CCNY: variants seen among roughly 807,000 people sequenced by gnomAD.
CCNY encodes the protein cyclin-Y.
A neutral mutation model predicts 42.8 loss-of-function variants in CCNY; 19 were observed. The observed-to-expected ratio is 0.44, with a 90% CI of 0.31 to 0.65. CCNY has a LOEUF of 0.65. Ranked by LOEUF, CCNY falls within the 30% of genes least tolerant of loss-of-function variation. The probability of loss-of-function intolerance (pLI) is 0.07; values close to 1 mark genes in which losing one functional copy is unlikely to be tolerated. For missense variants in CCNY, 370 were observed against 437.3 expected (o/e 0.85, Z 1.37); for synonymous variants, 165 against 162.7 (o/e 1.01, Z -0.11).
chr10:35,566,502 C>T (rs1036574370), intron 9 of CCNY, among the ~76,000 whole-genome samples: 3 of 152,120 alleles, frequency 2.0e-5, no homozygotes, highest in Non-Finnish European at 4.4e-5. Flanking sequence ...CCACCACACC[C>T]GGTTGATTTT....
chr10:35,470,499 G>A (rs1233008519), intron 1 of CCNY, among the ~76,000 whole-genome samples: 1 of 152,242 alleles, frequency 6.6e-6, no homozygotes, highest in African/African-American at 2.4e-5. Context: ...ACACACACTT[G>A]CAAAGACATA....
intron 3 of CCNY, among the ~76,000 whole-genome samples, chr10:35,259,495 G>GTTTTTTTTTTTTTTTT (rs35988898): frequency 1.5e-5 from 1 of 65,146 alleles, no homozygotes; most frequent in African/African-American, 6.9e-5. Context: ...AGTCCTGGTT[G>GTTTTTTTTTTTTTTTT]TTTTTTTTTT....
chr10:35,532,103 C>T (rs957558516), intron 7 of CCNY, among the ~76,000 whole-genome samples: 2 of 152,216 alleles, frequency 1.3e-5, no homozygotes, highest in South Asian at 2.1e-4. Context: ...TGGAGGCCTT[C>T]GTGGTAGGTG....
At position 35,467,431 on chromosome 10, in the gene CCNY, C is replaced by T. The variant is rs75215607; in HGVS notation, c.155-15973C>T. Among the ~76,000 whole-genome samples, 19 of 151,822 alleles carry T rather than the reference C, an allele frequency of 1.3e-4. No homozygotes were observed. In the East Asian group the frequency reaches 3.1e-3, roughly 25 times the overall value. Reference sequence around the variant, plus strand: ...GCAGCCACTTGACATGTGACAACTCCACACATTGCTGAATACCCCCTAGGG... The same window carrying T: ...GCAGCCACTTGACATGTGACAACTCTACACATTGCTGAATACCCCCTAGGG... On this transcript the variant is annotated intron_variant, in intron 1 of 9. Coordinates refer to ENST00000374704, the MANE Select transcript of CCNY (RefSeq NM_145012.6).
intron 1 of CCNY, among the ~76,000 whole-genome samples, chr10:35,465,470 A>G (rs910763429): frequency 1.3e-5 from 2 of 152,116 alleles, no homozygotes; most frequent in African/African-American, 4.8e-5. Flanking sequence ...ATCCTTCTAA[A>G]CATAAACACC....
chr10:35,560,803 A>T lies in CCNY; in HGVS notation c.747-5220A>T, dbSNP rs114364733. Among the ~76,000 whole-genome samples the T allele has an allele frequency of 7.6e-3, 1,158 of 152,322 alleles. 13 individuals are homozygous for T. Among genetic ancestry groups the T allele is most frequent in the African/African-American group, 0.027 (1,107 of 41,560 alleles). ...TAGAATTTTTAGAAATGAATACTTCATTCAGTCTTTCCCAGTAAAACCGTG... is the reference window on the plus strand; with the variant it reads ...TAGAATTTTTAGAAATGAATACTTCTTTCAGTCTTTCCCAGTAAAACCGTG... On this transcript the variant is annotated intron_variant, in intron 8 of 9. Coordinates refer to ENST00000374704, the MANE Select transcript of CCNY (RefSeq NM_145012.6).
chr10:35,403,714 C>T (rs1463373118), intron 1 of CCNY, among the ~76,000 whole-genome samples: 1 of 152,102 alleles, frequency 6.6e-6, no homozygotes, highest in Non-Finnish European at 1.5e-5. Flanking sequence ...AATATTGACA[C>T]GTGGTCTCTT....
intron 7 of CCNY, among the ~76,000 whole-genome samples, chr10:35,536,644 G>A (rs939925632): frequency 1.3e-5 from 2 of 152,134 alleles, no homozygotes; most frequent in East Asian, 3.9e-4. Context: ...TGGAGCAAAG[G>A]TGACTCTTGT....
chr10:35,302,448 C>T, intron 3 of CCNY, among the ~76,000 whole-genome samples: 1 of 151,514 alleles, frequency 6.6e-6, no homozygotes, highest in African/African-American at 2.4e-5. Flanking sequence ...GGAGCTGGCA[C>T]TGCAGGCATG....
chr10:35,378,391 G>A (rs936060114), intron 1 of CCNY, among the ~76,000 whole-genome samples: 9 of 152,254 alleles, frequency 5.9e-5, no homozygotes, highest in African/African-American at 1.4e-4. Context: ...GCTTCAGCGG[G>A]TGTGATCTTG....
At chr10:35,337,919 A>G (rs1452651910) in intron 1 of CCNY, among the ~76,000 whole-genome samples, 1 of 152,190 alleles carries the variant, frequency 6.6e-6, no homozygotes, top group Non-Finnish European at 1.5e-5. Context: ...GGAGTTTGCA[A>G]AAAGAAAAAA....
chr10:35,339,512 G>A (rs561491925), intron 1 of CCNY, among the ~76,000 whole-genome samples: 8 of 152,218 alleles, frequency 5.3e-5, no homozygotes, highest in African/African-American at 1.7e-4. Context: ...TGATTGTTAG[G>A]TTATTAGTAA....
chr10:35,442,390 G>A (rs1215680731), intron 1 of CCNY, among the ~76,000 whole-genome samples: 1 of 152,194 alleles, frequency 6.6e-6, no homozygotes, highest in African/African-American at 2.4e-5. Flanking sequence ...TGTGCATCAG[G>A]CTCATAGTGT....
chr10:35,314,263 C>T (rs759409536), intron 3 of CCNY, among the ~76,000 whole-genome samples: 22 of 152,086 alleles, frequency 1.4e-4, no homozygotes, highest in African/African-American at 2.4e-4. Context: ...TTAATGGACT[C>T]ACAGTTCCAT....
chr10:35,249,039 G>A (rs1020638676), intron 2 of CCNY, among the ~76,000 whole-genome samples: 9 of 151,968 alleles, frequency 5.9e-5, no homozygotes, highest in African/African-American at 1.2e-4. Flanking sequence ...CCTCCGCCTC[G>A]CAGGCTCAAG....
At chr10:35,375,511 T>C (rs917881920) in intron 1 of CCNY, among the ~76,000 whole-genome samples, 1 of 152,194 alleles carries the variant, frequency 6.6e-6, no homozygotes, top group East Asian at 1.9e-4. Flanking sequence ...TAATTCCCAT[T>C]TGCTATATGA....
chr10:35,470,920 A>C (rs1839379451), intron 1 of CCNY, among the ~76,000 whole-genome samples: 1 of 152,260 alleles, frequency 6.6e-6, no homozygotes, highest in South Asian at 2.1e-4. Flanking sequence ...TGCCTCCCAC[A>C]TCATAGCCAG....
intron 3 of CCNY, among the ~76,000 whole-genome samples, chr10:35,306,223 C>T (rs925546479): frequency 2.0e-5 from 3 of 152,036 alleles, no homozygotes; most frequent in African/African-American, 7.2e-5. Context: ...TTAGTAGAGA[C>T]AGGGTTTCAC....
chr10:35,312,085 T>G (rs1420607228), intron 3 of CCNY, among the ~76,000 whole-genome samples: 1 of 152,030 alleles, frequency 6.6e-6, no homozygotes, highest in Non-Finnish European at 1.5e-5. Flanking sequence ...CTATGTAAGA[T>G]AATTCATATT....
Sources: gnomAD v4.1 joint callset for allele counts (sites outside exome capture counted in the v4.1 genomes callset) on GRCh38, gnomAD v4.1.1 for gene constraint, MANE v1.5 for transcripts, NCBI Gene and HGNC (gene_info 2026-07-23, HGNC 2026-07-21) for gene names.